The following HGF variants were observed in gnomAD, a reference collection of about 807,000 sequenced individuals.
HGF encodes the protein fibroblast-derived tumor cytotoxic factor.
In HGF, 39 loss-of-function variants were observed where a neutral mutation model predicts 111.6. That is an observed-to-expected ratio of 0.35 (90% CI 0.27 to 0.46). HGF has a LOEUF of 0.46. Ranked by LOEUF, HGF falls within the 20% of genes least tolerant of loss-of-function variation. The pLI, the probability that HGF is intolerant of heterozygous loss-of-function variation, is 1.00. For missense variants in HGF, 735 were observed against 910.5 expected (o/e 0.81, Z 2.48); for synonymous variants, 285 against 294.8 (o/e 0.97, Z 0.34).
chr7:81,726,076 C>T (rs1001914625), intron 8 of HGF, 59 bp from the exon 9 acceptor site: 16 of 1,532,300 alleles, frequency 1.0e-5, no homozygotes, highest in Non-Finnish European at 1.4e-5. Flanking sequence ...GTGAAGTCAG[C>T]GCTATTACAT....
intron 5 of HGF, chr7:81,751,278 A>T: frequency 1.0e-6 from 1 of 984,812 alleles, no homozygotes; most frequent in Non-Finnish European, 1.2e-6. Context: ...ACAGAGTTTC[A>T]TCCATGTTTC....
rs1789307325 is a variant in HGF at position 81,702,491 on chromosome 7, T to C, written c.*90A>G. On this transcript the variant is annotated 3_prime_UTR_variant, in exon 18 of 18. Transcript: ENST00000222390. ...CTCTCCAGTAGTTGTCTTAGGATTG[T>C]TGTAAGTGACATTTTAAATTCCACA... 3.8e-6 allele frequency: 4 copies of C among 1,063,670 alleles called. No individual in the cohort carries two copies. In the South Asian group the frequency reaches 5.3e-5, roughly 14 times the overall value. The allele number at this position is 1,063,670 out of a possible 1,614,324, so 65.9% of individuals were successfully genotyped here.
chr7:81,726,132 C>A, intron 8 of HGF, 115 bp from the exon 9 acceptor site: 1 of 1,044,880 alleles, frequency 9.6e-7, no homozygotes. Context: ...AGAGTTCTAA[C>A]TTTTTGGACT....
At chr7:81,759,544 G>T (rs976174025) in intron 2 of HGF, among the ~76,000 whole-genome samples, 1 of 151,822 alleles carries the variant, frequency 6.6e-6, no homozygotes, top group Admixed American at 6.6e-5. Flanking sequence ...TCACACTGTC[G>T]CCCAGGCTGG....
chr7:81,730,369 G>A (rs997032124), intron 7 of HGF, among the ~76,000 whole-genome samples: 2 of 152,212 alleles, frequency 1.3e-5, no homozygotes, highest in South Asian at 2.1e-4. Context: ...CCAGGAAAAC[G>A]GCTTGAACTC....
intron 5 of HGF, among the ~76,000 whole-genome samples, chr7:81,748,603 C>A (rs1788369205): frequency 6.6e-6 from 1 of 152,226 alleles, no homozygotes. Flanking sequence ...TGTAGGAGTG[C>A]CCTTTGGCTC....
At chr7:81,721,225 C>T (rs1356094748) in intron 9 of HGF, among the ~76,000 whole-genome samples, 3 of 151,462 alleles carry the variant, frequency 2.0e-5, no homozygotes, top group Non-Finnish European at 4.4e-5. Flanking sequence ...CCAGCCTGGG[C>T]GACAGAGCGA....
Position 81,720,764 on chromosome 7 carries a change from T to A in HGF, c.1252A>T (p.Asn418Tyr). The stretch of plus-strand genomic sequence containing the variant: ...ACACACCGATGTAAGTCTTCCATGT[T>A]CTTGTCCCACATTGAACATGTTAGT... ...SGLTCSMWDK[N>Y]MEDLHRHIFW... Residue 418 changes from asparagine (N) to tyrosine (Y), a missense_variant, in exon 10 of 18, where the codon AAC becomes TAC. Coordinates refer to ENST00000222390, the MANE Select transcript of HGF (RefSeq NM_000601.6). 1 of 1,610,832 alleles carries A rather than the reference T, an allele frequency of 6.2e-7. No individual in the cohort carries two copies. Among genetic ancestry groups the A allele is most frequent in the East Asian group, 2.2e-5 (1 of 44,816 alleles).
intron 8 of HGF, among the ~76,000 whole-genome samples, chr7:81,728,697 G>T (rs1174702569): frequency 6.6e-6 from 1 of 152,194 alleles, no homozygotes; most frequent in African/African-American, 2.4e-5. Context: ...GCTAAAGCTT[G>T]TGCATGCACA....
rs774508303 is a variant in HGF at position 81,729,724 on chromosome 7, T to C, written c.921A>G (p.Gln307=). 17 of 1,613,976 alleles carry C rather than the reference T, an allele frequency of 1.1e-5. No homozygotes were observed. The South Asian group carries it at 1.1e-4, about 10-fold the overall frequency. The change falls in exon 8 of 18, where the codon CAA becomes CAG. Residue 307 remains glutamine (Q), a synonymous_variant. Transcript: ENST00000222390. ...DVPLETTECI[Q]GQGEGYRGTV... ...TGCCCCTGTAGCCTTCTCCTTGACC[T>C]TGGATGCATTCAGTTGTTTCCAAAG...
Position 81,729,760 on chromosome 7 carries a change from G to A in HGF, c.885C>T (p.Asp295=), listed in dbSNP as rs141751290. The change falls in exon 8 of 18, where the codon GAC becomes GAT. Residue 295 remains aspartate, a synonymous_variant. Coordinates refer to ENST00000222390, the MANE Select transcript of HGF (RefSeq NM_000601.6). ...IKTCADNTMN[D]TDVPLETTEC... is the part of the protein sequence containing the mutation. ...CAGTTGTTTCCAAAGGAACATCAGT[G>A]TCATTCATAGTATTGTCAGCTATTG... is the stretch of plus-strand genomic sequence containing the variant. The A allele has an allele frequency of 1.2e-4, 194 of 1,612,560 alleles. No homozygotes were observed. In the Middle Eastern group the frequency reaches 1.8e-3, roughly 15 times the overall value.
Position 81,769,944 on chromosome 7 carries a change from G to T in HGF, c.28C>A (p.Leu10Met), listed in dbSNP as rs1390087672. ...TGCAGGAGGACATGCTGCAGCAGCA[G>T]GGCTGGCAGGAGTTTGGTCACCCAC... The part of the protein sequence containing the change: MWVTKLLPA[L>M]LLQHVLLHLL... The change falls in exon 1 of 18, where the codon CTG becomes ATG. Residue 10 changes from leucine to methionine, a missense_variant. This residue lies in a region of HGF where 553 missense variants were observed against 685.6 expected (regional missense o/e 0.81). Transcript: ENST00000222390. 6.4e-7 allele frequency: 1 copy of T among 1,561,996 alleles called. No homozygotes were observed. The highest frequency in any genetic ancestry group is 8.7e-7 in the Non-Finnish European group (1 of 1,152,520).
At chr7:81,755,418 T>C (rs1788714509) in intron 4 of HGF, 1 of 151,600 alleles carries the variant, frequency 6.6e-6, no homozygotes. Context: ...GGGATTTTAT[T>C]AATATACTGG....
In HGF at chr7:81,729,798, A is replaced by G. The variant is rs376065111; in HGVS notation, c.866-19T>C. ...TTGTCAGCTATTGGCAAAAAACAAC[A>G]ACAAAAAAAAACTTATATAAAATCT... is the stretch of plus-strand genomic sequence containing the variant. On this transcript the variant is annotated intron_variant, in intron 7 of 17. Coordinates refer to ENST00000222390, the MANE Select transcript of HGF (RefSeq NM_000601.6). The G allele has an allele frequency of 6.0e-6, 9 of 1,505,210 alleles. No individual in the cohort carries two copies. The African/African-American group carries it at 7.6e-5, about 13-fold the overall frequency. The allele number at this position is 1,505,210 out of a possible 1,614,324, so 93.2% of individuals were successfully genotyped here. A position where few individuals can be genotyped will look rare whatever the true frequency, so the allele number is the denominator to read the frequency against.
chr7:81,710,105 A>T (rs1356326591), intron 13 of HGF, 42 bp downstream of exon 13: 2 of 1,294,868 alleles, frequency 1.5e-6, no homozygotes, highest in Non-Finnish European at 2.2e-6. Context: ...ACTCTCTTGT[A>T]CATATTCTGG....
intron 9 of HGF, among the ~76,000 whole-genome samples, chr7:81,724,319 G>A (rs2115893482): frequency 6.6e-6 from 1 of 152,230 alleles, no homozygotes; most frequent in South Asian, 2.1e-4. Context: ...TGCTCGTGAA[G>A]AATGACACTG....
At chr7:81,766,561 G>A (rs368869459) in intron 1 of HGF, among the ~76,000 whole-genome samples, 16 of 152,312 alleles carry the variant, frequency 1.1e-4, no homozygotes, top group African/African-American at 3.6e-4. Flanking sequence ...CAAGAAGACA[G>A]AGACTGTGTC....
chr7:81,742,892 C>A, intron 7 of HGF: 1 of 1,611,676 alleles, frequency 6.2e-7, no homozygotes. Flanking sequence ...TTCTTCACTG[C>A]AGCCTCTGTC....
intron 13 of HGF, among the ~76,000 whole-genome samples, chr7:81,707,945 A>G (rs76840635): frequency 0.015 from 2,244 of 152,288 alleles, 13 homozygotes; most frequent in South Asian, 0.041. Flanking sequence ...TCATCTCTAA[A>G]GTAAAACAAT....
Sources: gnomAD v4.1 joint callset for allele counts (sites outside exome capture counted in the v4.1 genomes callset) on GRCh38, gnomAD v4.1.1 for gene constraint, gnomAD v4.1.1 regional missense constraint, MANE v1.5 for transcripts, NCBI Gene and HGNC (gene_info 2026-07-23, HGNC 2026-07-21) for gene names.